Variants in CD1A observed in about 807,000 individuals in gnomAD.
CD1A encodes T-cell surface glycoprotein CD1a.
Under a neutral mutation model 38.3 loss-of-function variants are expected in CD1A, and 50 were observed. That is an observed-to-expected ratio of 1.30 (90% CI 1.04 to 1.65). The LOEUF (loss-of-function observed/expected upper bound fraction) is 1.65. Ranked by LOEUF, CD1A falls within the 40% of genes most tolerant of loss-of-function variation. The pLI is 0.00. For missense variants in CD1A, 459 were observed against 406.1 expected (o/e 1.13, Z -1.12); for synonymous variants, 160 against 150.8 (o/e 1.06, Z -0.45).
chr1:158,250,967 C>T (rs750199336), upstream of CD1A, among the ~76,000 whole-genome samples: 7 of 152,172 alleles, frequency 4.6e-5, no homozygotes, highest in East Asian at 1.9e-4. Flanking sequence ...GGAGTGATGA[C>T]GGCCCCGTGC....
chr1:158,257,135 GA>G (rs2101634307), intron 4 of CD1A, 71 bp downstream of exon 4: 1 of 1,518,494 alleles, frequency 6.6e-7, no homozygotes, highest in African/African-American at 1.4e-5. Context: ...AGGGCAAGCT[GA>G]AAATTTTAGG....
chr1:158,254,742 A>G lies in CD1A; in HGVS notation c.58+15A>G. ...CAATGCAGACGGTAAGAACTCTGAC[A>G]ACTGCCCAGTTGGGTGGTGGGTGAA... On this transcript the variant is annotated intron_variant, in intron 1 of 5. Coordinates refer to ENST00000289429, the MANE Select transcript of CD1A (RefSeq NM_001763.3). 6.3e-7 allele frequency: 1 copy of G among 1,579,878 alleles called. No individual in the cohort carries two copies. The highest frequency in any genetic ancestry group is 8.7e-7 in the Non-Finnish European group (1 of 1,149,010).
chr1:158,253,237 C>G (rs191223233), upstream of CD1A, among the ~76,000 whole-genome samples: 3 of 152,216 alleles, frequency 2.0e-5, no homozygotes, highest in African/African-American at 7.2e-5. Context: ...TCAACAGTTA[C>G]AAGCAGCGTA....
chr1:158,252,245 A>G (rs1303873435), upstream of CD1A, among the ~76,000 whole-genome samples: 1 of 151,602 alleles, frequency 6.6e-6, no homozygotes, highest in Non-Finnish European at 1.5e-5. Context: ...GAGAGGATTT[A>G]TCTGGTCTAC....
chr1:158,254,944 T>C (rs1650194613), intron 1 of CD1A, 140 bp from the exon 2 acceptor site: 2 of 951,394 alleles, frequency 2.1e-6, no homozygotes, highest in Non-Finnish European at 3.2e-6. Context: ...GGCATGGGAC[T>C]GTGTGGCAAG....
upstream of CD1A, among the ~76,000 whole-genome samples, chr1:158,253,804 A>G (rs930661686): frequency 6.6e-6 from 1 of 152,126 alleles, no homozygotes; most frequent in Non-Finnish European, 1.5e-5. Context: ...TATACAGTAT[A>G]ATAAAACTCA....
At chr1:158,248,821 C>T in the CD1A span, among the ~76,000 whole-genome samples, 1 of 152,234 alleles carries the variant, frequency 6.6e-6, no homozygotes, top group Admixed American at 6.5e-5. Context: ...TCCTTCAGAT[C>T]CTGCCCTGTA....
At chr1:158,257,613 T>A in intron 5 of CD1A, 68 bp from the exon 6 acceptor site, 2 of 1,581,788 alleles carry the variant, frequency 1.3e-6, no homozygotes, top group Non-Finnish European at 1.7e-6. Flanking sequence ...CCCAGTCCCC[T>A]TCCCTCTTGC....
At chr1:158,249,080 T>A in the CD1A span, among the ~76,000 whole-genome samples, 3 of 152,178 alleles carry the variant, frequency 2.0e-5, no homozygotes, top group Non-Finnish European at 4.4e-5. Context: ...GATCAGCTCA[T>A]AAAACTTTGG....
Position 158,257,676 on chromosome 1 carries a change from T to A in CD1A, c.975-5T>A. 1 of 1,613,998 alleles carries A rather than the reference T, an allele frequency of 6.2e-7. No individual in the cohort carries two copies. The highest frequency in any genetic ancestry group is 8.5e-7 in the Non-Finnish European group (1 of 1,179,900). On this transcript the variant is annotated splice_region_variant and splice_polypyrimidine_tract_variant and intron_variant, in intron 5 of 5. Coordinates refer to ENST00000289429, the MANE Select transcript of CD1A (RefSeq NM_001763.3). ...AGAGTGACTTCTATCTCTGTTCTCA[T>A]CCAGTTTCTGTTAAGACACACCATG...
At chr1:158,248,617 T>C in the CD1A span, among the ~76,000 whole-genome samples, 1 of 152,104 alleles carries the variant, frequency 6.6e-6, no homozygotes, top group East Asian at 1.9e-4. Context: ...GTCCAGGGAG[T>C]ACAAAATTAT....
chr1:158,254,631 C>T lies in CD1A; in HGVS notation c.-39C>T. ...TTTGTTTGGAACAGAAATCAAAGAC[C>T]AATTTTTCTGAGAGAAGGAAATAAC... On this transcript the variant is annotated 5_prime_UTR_variant, in exon 1 of 6. Transcript: ENST00000289429. The T allele has an allele frequency of 6.2e-7, 1 of 1,613,544 alleles. No homozygotes were observed. Among genetic ancestry groups the T allele is most frequent in the Non-Finnish European group, 8.5e-7 (1 of 1,179,766 alleles).
rs754343758 is a variant in CD1A, at chr1:158,257,040, G to A, written c.859G>A (p.Gly287Ser). The A allele has an allele frequency of 7.4e-6, 12 of 1,612,752 alleles. No homozygotes were observed. The highest frequency in any genetic ancestry group is 3.3e-5 in the Admixed American group (2 of 59,980). Reference protein sequence around the residue: ...SCRVKHSSLEGQDIVLYWEHH... With the variant: ...SCRVKHSSLESQDIVLYWEHH... ...TCGGGTGAAGCACAGCAGTCTAGAG[G>A]GCCAGGACATCGTCCTCTACTGGGG... is the stretch of plus-strand genomic sequence containing the variant. Residue 287 changes from glycine to serine, a missense_variant, in exon 4 of 6, where the codon GGC (glycine) becomes AGC (serine). Transcript: ENST00000289429.
chr1:158,253,653 G>A (rs1185654267), upstream of CD1A, among the ~76,000 whole-genome samples: 3 of 152,084 alleles, frequency 2.0e-5, no homozygotes, highest in Non-Finnish European at 4.4e-5. Context: ...CTGTTAGGTG[G>A]GGATACAGTA....
intron 2 of CD1A, among the ~76,000 whole-genome samples, chr1:158,255,645 G>A (rs1650234679): frequency 6.6e-6 from 1 of 152,030 alleles, no homozygotes; most frequent in South Asian, 2.1e-4. Context: ...GATACCTTCA[G>A]CTTTCTCACT....
chr1:158,253,476 T>C (rs1014454699), upstream of CD1A, among the ~76,000 whole-genome samples: 5 of 152,236 alleles, frequency 3.3e-5, no homozygotes, highest in Non-Finnish European at 5.9e-5. Context: ...TAAATAAAAC[T>C]GTATGAGATT....
At chr1:158,251,860 CT>C (rs565875813), upstream of CD1A, among the ~76,000 whole-genome samples, 33 of 148,808 alleles carry the variant, frequency 2.2e-4, no homozygotes, top group South Asian at 3.0e-3. Context: ...CAGGTTAGGG[CT>C]TTTTTTTTTC....
chr1:158,255,053 T>C, intron 1 of CD1A, 31 bp from the exon 2 acceptor site: 3 of 1,607,238 alleles, frequency 1.9e-6, no homozygotes, highest in Non-Finnish European at 2.6e-6. Flanking sequence ...TCAATGTCTT[T>C]CTCCCCATTC....
Position 158,257,792 on chromosome 1 carries a change from TCTCAA to T in CD1A, c.*106_*110del, listed in dbSNP as rs1331582535. On this transcript the variant is annotated 3_prime_UTR_variant, in exon 6 of 6. Coordinates refer to ENST00000289429, the MANE Select transcript of CD1A (RefSeq NM_001763.3). The stretch of plus-strand genomic sequence containing the variant: ...TGAACACATCGTGATGATGACGTCC[TCTCAA>T]CTCTCTTTGTAAAAATTTTGTTATT... 2 of 953,072 alleles carry T rather than the reference TCTCAA, an allele frequency of 2.1e-6. No homozygotes were observed. The highest frequency in any genetic ancestry group is 3.3e-6 in the Non-Finnish European group (2 of 605,528). The allele number at this position is 953,072 out of a possible 1,614,324, so 59.0% of individuals were successfully genotyped here.
Sources: gnomAD v4.1 joint callset for allele counts (sites outside exome capture counted in the v4.1 genomes callset) on GRCh38, gnomAD v4.1.1 for gene constraint, MANE v1.5 for transcripts, NCBI Gene and HGNC (gene_info 2026-07-23, HGNC 2026-07-21) for gene names.